The following SOX6 variants were observed in gnomAD, a reference collection of about 807,000 sequenced individuals.
SOX6 encodes SRY-box transcription factor 6, also known as transcription factor SOX-6.
A neutral mutation model predicts 97.8 loss-of-function variants in SOX6; 11 were observed. That is an observed-to-expected ratio of 0.11 (90% confidence interval 0.07 to 0.19). The LOEUF is 0.19. SOX6 is among the 10% of genes least tolerant of loss of function. The pLI, the probability that SOX6 is intolerant of heterozygous loss-of-function variation, is 1.00. For synonymous variants in SOX6, 360 were observed against 371.4 expected (o/e 0.97, Z 0.35); for missense variants, 810 against 1,039.5 (o/e 0.78, Z 3.04).
chr11:16,259,392 T>C, intron 3 of SOX6, among the ~76,000 whole-genome samples: 1 of 152,026 alleles, frequency 6.6e-6, no homozygotes. Flanking sequence ...GCAATCCCAA[T>C]TAAAATCCCA....
intron 3 of SOX6, among the ~76,000 whole-genome samples, chr11:16,270,319 A>C (rs1308179237): frequency 1.3e-5 from 2 of 151,356 alleles, no homozygotes; most frequent in East Asian, 3.8e-4. Context: ...AATGACTATA[A>C]TTTTTAAAAA....
intron 1 of SOX6, among the ~76,000 whole-genome samples, chr11:16,472,707 T>C (rs1324815860): frequency 6.6e-6 from 1 of 152,114 alleles, no homozygotes; most frequent in Non-Finnish European, 1.5e-5. Flanking sequence ...CCTATCCTAA[T>C]CAATACTATT....
chr11:16,324,730 T>C (rs1856024557), intron 2 of SOX6, among the ~76,000 whole-genome samples: 1 of 152,132 alleles, frequency 6.6e-6, no homozygotes, highest in African/African-American at 2.4e-5. Context: ...ATAGTATGTA[T>C]ACACAATGGA....
chr11:16,250,053 T>C (rs1853461191), intron 3 of SOX6, among the ~76,000 whole-genome samples: 2 of 152,188 alleles, frequency 1.3e-5, no homozygotes, highest in South Asian at 2.1e-4. Context: ...AGCCAAACTT[T>C]ATAAAGCAGG....
intron 3 of SOX6, among the ~76,000 whole-genome samples, chr11:16,275,768 T>C (rs1854382771): frequency 6.6e-6 from 1 of 152,202 alleles, no homozygotes; most frequent in South Asian, 2.1e-4. Context: ...GGAAAACTTA[T>C]CTAGCTTTTT....
At chr11:16,588,869 A>G (rs1354049012) in intron 4 of SOX6, among the ~76,000 whole-genome samples, 1 of 151,998 alleles carries the variant, frequency 6.6e-6, no homozygotes, top group African/African-American at 2.4e-5. Flanking sequence ...TCTCTTTTTT[A>G]AAAATTAAAA....
chr11:16,378,883 GAATT>G (rs1321458304), intron 1 of SOX6, among the ~76,000 whole-genome samples: 1 of 151,940 alleles, frequency 6.6e-6, no homozygotes, highest in African/African-American at 2.4e-5. Flanking sequence ...AAATCAATAA[GAATT>G]AATTACCCAT....
chr11:16,277,167 G>A (rs1417169781), intron 3 of SOX6, among the ~76,000 whole-genome samples: 1 of 152,118 alleles, frequency 6.6e-6, no homozygotes, highest in African/African-American at 2.4e-5. Context: ...ATATGCTGAA[G>A]CCCTACCCTC....
intron 7 of SOX6, among the ~76,000 whole-genome samples, chr11:16,110,990 A>T (rs1478188858): frequency 6.6e-6 from 1 of 152,234 alleles, no homozygotes; most frequent in Non-Finnish European, 1.5e-5. Flanking sequence ...ATTAATGAGT[A>T]GAACAAGGTC....
intron 3 of SOX6, among the ~76,000 whole-genome samples, chr11:16,248,003 C>T (rs1853390908): frequency 6.6e-6 from 1 of 152,160 alleles, no homozygotes; most frequent in South Asian, 2.1e-4. Flanking sequence ...GGTAAATACA[C>T]CCATTCCAAA....
At chr11:16,161,066 T>A (rs1331092766) in intron 6 of SOX6, among the ~76,000 whole-genome samples, 1 of 151,618 alleles carries the variant, frequency 6.6e-6, no homozygotes, top group Non-Finnish European at 1.5e-5. Context: ...AAAAAAAAAG[T>A]GGGGGAGGGT....
At chr11:16,043,056 C>T (rs1262231738) in intron 12 of SOX6, among the ~76,000 whole-genome samples, 2 of 152,142 alleles carry the variant, frequency 1.3e-5, no homozygotes, top group Admixed American at 1.3e-4. Context: ...AAAGGCCCAC[C>T]CTGCCTTGCA....
intron 9 of SOX6, among the ~76,000 whole-genome samples, chr11:16,062,350 A>G (rs1221373709): frequency 6.6e-6 from 1 of 151,730 alleles, no homozygotes; most frequent in Non-Finnish European, 1.5e-5. Context: ...AGGAACAGAA[A>G]AGGTTAAATT....
intron 1 of SOX6, among the ~76,000 whole-genome samples, chr11:16,469,923 G>A (rs1465305248): frequency 2.6e-5 from 4 of 151,876 alleles, no homozygotes; most frequent in African/African-American, 7.3e-5. Context: ...AAAGTAGAGA[G>A]GGCAAAAAGA....
chr11:16,559,473 AC>A (rs1421143960), intron 4 of SOX6, among the ~76,000 whole-genome samples: 3 of 151,032 alleles, frequency 2.0e-5, no homozygotes, highest in African/African-American at 4.8e-5. Flanking sequence ...CCAACCAGTG[AC>A]CTTTGATTGG....
chr11:16,036,220 C>T (rs1242833486), intron 12 of SOX6, among the ~76,000 whole-genome samples: 1 of 151,934 alleles, frequency 6.6e-6, no homozygotes, highest in African/African-American at 2.4e-5. Flanking sequence ...GCTGGGATTA[C>T]AGGCATGCGC....
intron 3 of SOX6, chr11:16,283,919 CT>C (rs1565069052): frequency 2.3e-6 from 1 of 429,302 alleles, no homozygotes; most frequent in Non-Finnish European, 4.6e-6. Context: ...GAAAGACTTG[CT>C]GAAAAATATA....
intron 4 of SOX6, among the ~76,000 whole-genome samples, chr11:16,229,705 A>G (rs2030291): frequency 2.6e-4 from 39 of 151,720 alleles, no homozygotes; most frequent in African/African-American, 8.9e-4. Flanking sequence ...TTAAAAATTA[A>G]TTAGGAAAAC....
intron 6 of SOX6, among the ~76,000 whole-genome samples, chr11:16,174,319 A>C (rs1488985061): frequency 6.6e-6 from 1 of 151,892 alleles, no homozygotes; most frequent in Non-Finnish European, 1.5e-5. Context: ...CTTAATTCTG[A>C]CTATGAATTC....
Sources: allele counts gnomAD v4.1 joint callset (sites outside exome capture counted in the v4.1 genomes callset), GRCh38; gene constraint gnomAD v4.1.1; transcripts MANE v1.5; gene names NCBI Gene and HGNC (gene_info 2026-07-23, HGNC 2026-07-21).